PPM1E: variants seen among roughly 807,000 people sequenced by gnomAD.
PPM1E encodes the protein protein phosphatase, Mg2+/Mn2+ dependent 1E.
In PPM1E, 20 loss-of-function variants were observed where a neutral mutation model predicts 65.9. The ratio of observed to expected loss-of-function variants is 0.30; its 90% CI spans 0.21 to 0.44. The LOEUF is 0.44. Ranked by LOEUF, PPM1E falls within the 20% of genes least tolerant of loss-of-function variation. PPM1E has a pLI of 1.00. For synonymous variants in PPM1E, 352 were observed against 374.9 expected (o/e 0.94, Z 0.70); for missense variants, 713 against 953.1 (o/e 0.75, Z 3.32).
At chr17:58,924,537 T>C (rs2051799019) in intron 1 of PPM1E, among the ~76,000 whole-genome samples, 1 of 151,946 alleles carries the variant, frequency 6.6e-6, no homozygotes, top group South Asian at 2.1e-4. Flanking sequence ...GGCAACAGAG[T>C]TTAGTCCAAT....
chr17:58,801,086 T>G (rs1347161247), intron 1 of PPM1E, among the ~76,000 whole-genome samples: 1 of 152,198 alleles, frequency 6.6e-6, no homozygotes, highest in East Asian at 1.9e-4. Context: ...CACAATATAT[T>G]CTATCTTGGT....
At chr17:58,883,523 G>A (rs1439253664) in intron 1 of PPM1E, among the ~76,000 whole-genome samples, 2 of 124,862 alleles carry the variant, frequency 1.6e-5, no homozygotes, top group African/African-American at 6.1e-5. Context: ...TCGCTCTGTC[G>A]CCCAGGCTGG....
intron 1 of PPM1E, among the ~76,000 whole-genome samples, chr17:58,797,988 T>C (rs1002812376): frequency 6.6e-6 from 1 of 152,204 alleles, no homozygotes; most frequent in African/African-American, 2.4e-5. Flanking sequence ...GGGCATGTAA[T>C]AGTATCTTGT....
intron 1 of PPM1E, among the ~76,000 whole-genome samples, chr17:58,883,644 C>A (rs1471963185): frequency 6.6e-6 from 1 of 151,438 alleles, no homozygotes; most frequent in Non-Finnish European, 1.5e-5. Flanking sequence ...CCACCACGCC[C>A]GGCTAATTTT....
At chr17:58,941,078 T>C (rs1193061477) in intron 1 of PPM1E, among the ~76,000 whole-genome samples, 1 of 152,166 alleles carries the variant, frequency 6.6e-6, no homozygotes, top group Non-Finnish European at 1.5e-5. Context: ...TAAAAATTCA[T>C]ATAGGTAAAA....
chr17:58,944,414 A>G (rs985503380), intron 1 of PPM1E, among the ~76,000 whole-genome samples: 8 of 152,234 alleles, frequency 5.3e-5, no homozygotes, highest in East Asian at 1.9e-4. Flanking sequence ...CAGTTGTTCA[A>G]CCGTCACCCT....
intron 1 of PPM1E, among the ~76,000 whole-genome samples, chr17:58,882,064 G>A (rs1276731225): frequency 6.6e-6 from 1 of 151,148 alleles, no homozygotes; most frequent in Non-Finnish European, 1.5e-5. Context: ...CCAGCTATTT[G>A]GGAGGCTGAG....
At chr17:58,971,287 A>T (rs1021760049) in intron 4 of PPM1E, among the ~76,000 whole-genome samples, 1 of 152,098 alleles carries the variant, frequency 6.6e-6, no homozygotes, top group Admixed American at 6.5e-5. Context: ...AACTTTCCCT[A>T]TATAGGGAAA....
chr17:58,872,000 A>G (rs749750958), intron 1 of PPM1E, among the ~76,000 whole-genome samples: 3 of 152,198 alleles, frequency 2.0e-5, no homozygotes, highest in African/African-American at 4.8e-5. Flanking sequence ...ATAAAAAGTT[A>G]TAGAAATGCT....
Position 58,981,102 on chromosome 17 carries a change from A to T in PPM1E, c.*71A>T. The T allele has an allele frequency of 1.8e-6, 2 of 1,098,846 alleles. No individual in the cohort carries two copies. The highest frequency in any genetic ancestry group is 2.6e-6 in the Non-Finnish European group (2 of 765,398). The allele number at this position is 1,098,846 out of a possible 1,614,324, so 68.1% of individuals were successfully genotyped here. ...CACTATCAGAGTAGAAACAAGGTAGACATTTCTAAAACATATGTGCTTCAT... is the reference window on the plus strand; with the variant it reads ...CACTATCAGAGTAGAAACAAGGTAGTCATTTCTAAAACATATGTGCTTCAT... On this transcript the variant is annotated 3_prime_UTR_variant, in exon 7 of 7. Transcript: ENST00000308249.
chr17:58,829,734 A>G (rs939144470), intron 1 of PPM1E, among the ~76,000 whole-genome samples: 7 of 152,164 alleles, frequency 4.6e-5, no homozygotes, highest in Non-Finnish European at 8.8e-5. Context: ...TTTATAAAAG[A>G]TTCATGGTTA....
chr17:58,816,788 A>T lies in PPM1E; in HGVS notation c.464+60327A>T, dbSNP rs1167342658. On this transcript the variant is annotated intron_variant, in intron 1 of 6. Transcript: ENST00000308249. ...TATATATATATATATATATATATAT[A>T]TATATATTTTTTTTTTTTTTTTTTT... is the stretch of plus-strand genomic sequence containing the variant. Among the ~76,000 whole-genome samples, 31 of 7,676 alleles carry T rather than the reference A, an allele frequency of 4.0e-3. 2 individuals are homozygous for T. Among genetic ancestry groups the T allele is most frequent in the African/African-American group, 0.014 (23 of 1,700 alleles). The allele number at this position is 7,676 out of a possible 152,430, so 5.0% of individuals were successfully genotyped here. A position where few individuals can be genotyped will look rare whatever the true frequency, so the allele number is the denominator to read the frequency against.
At chr17:58,835,879 A>G (rs1224999919) in intron 1 of PPM1E, 1 of 152,274 alleles carries the variant, frequency 6.6e-6, no homozygotes, top group Non-Finnish European at 1.5e-5. Flanking sequence ...AAACAAAAAA[A>G]CAAAACAAAA....
chr17:58,918,394 T>C (rs2143524855), intron 1 of PPM1E, among the ~76,000 whole-genome samples: 1 of 152,320 alleles, frequency 6.6e-6, no homozygotes, highest in Non-Finnish European at 1.5e-5. Flanking sequence ...TCAAATAGAT[T>C]TCCTCTTTCA....
At chr17:58,956,942 C>G (rs758087716) in intron 2 of PPM1E, among the ~76,000 whole-genome samples, 4 of 152,142 alleles carry the variant, frequency 2.6e-5, no homozygotes, top group African/African-American at 9.7e-5. Context: ...GACAGAAAAT[C>G]GGCAAGGAAG....
intron 3 of PPM1E, among the ~76,000 whole-genome samples, chr17:58,968,791 C>G (rs755940697): frequency 6.6e-6 from 1 of 152,122 alleles, no homozygotes; most frequent in Non-Finnish European, 1.5e-5. Flanking sequence ...AGGCTTTTGT[C>G]AAGACAAAGC....
chr17:58,875,787 G>A (rs1389638144), intron 1 of PPM1E, among the ~76,000 whole-genome samples: 13 of 151,994 alleles, frequency 8.6e-5, no homozygotes, highest in Admixed American at 7.9e-4. Flanking sequence ...TACTAACACC[G>A]TGGATAATGC....
intron 1 of PPM1E, among the ~76,000 whole-genome samples, chr17:58,894,496 A>G (rs2051387711): frequency 6.6e-6 from 1 of 152,168 alleles, no homozygotes; most frequent in Non-Finnish European, 1.5e-5. Flanking sequence ...ATTTGTGTTC[A>G]GGTGCCAGCA....
chr17:58,869,363 G>T (rs1415105505), intron 1 of PPM1E, among the ~76,000 whole-genome samples: 1 of 152,186 alleles, frequency 6.6e-6, no homozygotes, highest in Admixed American at 6.5e-5. Flanking sequence ...GAGGGACCTA[G>T]TGGGAGATGT....
Sources: gnomAD v4.1 joint callset for allele counts (sites outside exome capture counted in the v4.1 genomes callset) on GRCh38, gnomAD v4.1.1 for gene constraint, MANE v1.5 for transcripts, NCBI Gene and HGNC (gene_info 2026-07-23, HGNC 2026-07-21) for gene names.